The following TAF4B variants were observed in gnomAD, a reference collection of about 807,000 sequenced individuals.
TAF4B encodes transcription initiation factor TFIID subunit 4B.
In TAF4B, 38 loss-of-function variants were observed where a neutral mutation model predicts 86.4. The observed-to-expected ratio is 0.44, with a 90% confidence interval of 0.34 to 0.58. The LOEUF (loss-of-function observed/expected upper bound fraction) is 0.58, where lower values mean the gene tolerates loss of function less well. Ranked by LOEUF, TAF4B falls within the 20% of genes least tolerant of loss-of-function variation. The pLI, the probability that TAF4B is intolerant of heterozygous loss-of-function variation, is 0.02. For synonymous variants in TAF4B, 388 were observed against 391.2 expected (o/e 0.99, Z 0.10); for missense variants, 988 against 1,027.6 (o/e 0.96, Z 0.53).
At chr18:26,287,649 T>G (rs1338426635) in intron 7 of TAF4B, among the ~76,000 whole-genome samples, 1 of 152,228 alleles carries the variant, frequency 6.6e-6, no homozygotes, top group Admixed American at 6.5e-5. Flanking sequence ...CTTGCTGTTC[T>G]TTTGGTGAAT....
At chr18:26,372,896 G>A (rs1402806779) in intron 14 of TAF4B, among the ~76,000 whole-genome samples, 1 of 151,208 alleles carries the variant, frequency 6.6e-6, no homozygotes, top group Non-Finnish European at 1.5e-5. Flanking sequence ...GTGAACTTGG[G>A]AGGCGGAGCT....
Position 26,374,454 on chromosome 18 carries a change from C to G in TAF4B, c.2422-15391C>G, listed in dbSNP as rs149015630. Among the ~76,000 whole-genome samples the G allele has an allele frequency of 9.8e-5, 15 of 152,290 alleles. No individual in the cohort carries two copies. The East Asian group carries it at 2.9e-3, about 29-fold the overall frequency. On this transcript the variant is annotated intron_variant, in intron 14 of 14. Transcript: ENST00000269142. ...TCCATAATGTTGTACCTGTCTCTTT[C>G]TGCCTTTATGCAGCTGTTTGGTTTA...
chr18:26,231,661 C>G (rs1168526952), intron 1 of TAF4B, among the ~76,000 whole-genome samples: 1 of 152,004 alleles, frequency 6.6e-6, no homozygotes, highest in African/African-American at 2.4e-5. Flanking sequence ...TCTATTGTGT[C>G]TTTTAAGTAT....
At chr18:26,324,002 TTTAA>T (rs1368242406) in intron 11 of TAF4B, among the ~76,000 whole-genome samples, 3 of 152,182 alleles carry the variant, frequency 2.0e-5, no homozygotes, top group Admixed American at 1.3e-4. Flanking sequence ...GCTTCTTATG[TTTAA>T]TTGTTTTTGT....
intron 1 of TAF4B, among the ~76,000 whole-genome samples, chr18:26,246,938 C>T (rs1024980470): frequency 5.9e-5 from 9 of 151,762 alleles, no homozygotes; most frequent in Admixed American, 3.3e-4. Flanking sequence ...GCAACCCTCT[C>T]CCCCGCCACT....
chr18:26,240,863 T>C (rs148619057), intron 1 of TAF4B, among the ~76,000 whole-genome samples: 13,166 of 152,194 alleles, frequency 0.087, 1,741 homozygotes, highest in African/African-American at 0.29. Context: ...TTGTCTTTGG[T>C]TCTGTTTATA....
intron 14 of TAF4B, among the ~76,000 whole-genome samples, chr18:26,386,072 AC>A (rs1317694492): frequency 6.6e-6 from 1 of 152,196 alleles, no homozygotes; most frequent in African/African-American, 2.4e-5. Context: ...GAATGCTATC[AC>A]CTTCATAAAG....
intron 6 of TAF4B, among the ~76,000 whole-genome samples, chr18:26,285,222 G>GTTTTGTTTTTTTTTT (rs2056498999): frequency 2.2e-5 from 1 of 45,660 alleles, no homozygotes; most frequent in Non-Finnish European, 4.5e-5. Context: ...TTTTTTTTTT[G>GTTTTGTTTTTTTTTT]TTTTTTTTTT....
intron 2 of TAF4B, among the ~76,000 whole-genome samples, chr18:26,265,626 C>T (rs1387753152): frequency 6.6e-6 from 1 of 152,162 alleles, no homozygotes; most frequent in Non-Finnish European, 1.5e-5. Flanking sequence ...GAACATGGCT[C>T]ACTTGGTTCA....
chr18:26,314,945 A>G (rs1346658428), intron 9 of TAF4B, among the ~76,000 whole-genome samples: 1 of 152,168 alleles, frequency 6.6e-6, no homozygotes, highest in Non-Finnish European at 1.5e-5. Flanking sequence ...TCCTTCTGTT[A>G]TTAAATATAC....
intron 1 of TAF4B, among the ~76,000 whole-genome samples, chr18:26,243,409 G>A (rs555023134): frequency 1.4e-4 from 21 of 152,052 alleles, no homozygotes; most frequent in African/African-American, 3.9e-4. Flanking sequence ...CGTAGTTCTC[G>A]TGCCATGGTT....
chr18:26,361,709 C>A (rs982508403), intron 14 of TAF4B, among the ~76,000 whole-genome samples: 2 of 149,822 alleles, frequency 1.3e-5, no homozygotes, highest in African/African-American at 4.9e-5. Flanking sequence ...CGCGCCACTC[C>A]CCTCCAGCCT....
At chr18:26,341,485 T>C (rs772360787) in intron 13 of TAF4B, among the ~76,000 whole-genome samples, 7 of 152,170 alleles carry the variant, frequency 4.6e-5, no homozygotes, top group Non-Finnish European at 7.4e-5. Flanking sequence ...CACATTTATA[T>C]TTTACACAAT....
chr18:26,239,466 C>G (rs1467475175), intron 1 of TAF4B, among the ~76,000 whole-genome samples: 1 of 151,966 alleles, frequency 6.6e-6, no homozygotes, highest in African/African-American at 2.4e-5. Context: ...TGTTTGAGTT[C>G]TCTGTAGATT....
In TAF4B at chr18:26,357,750, G is replaced by A. The variant is rs2144733590; in HGVS notation, c.2377G>A (p.Ala793Thr). The stretch of plus-strand genomic sequence containing the variant: ...AGACGCTAATCTCACAGCTCTTGCA[G>A]CTATTGGACCAAGGAAGAAGAGACC... ...HRDANLTALA[A>T]IGPRKKRPLE... Residue 793 changes from alanine to threonine, a missense_variant, in exon 14 of 15, where the codon GCT (alanine) becomes ACT (threonine). This residue lies in a region of TAF4B where 216 missense variants were observed against 238.4 expected (regional missense o/e 0.91). Transcript: ENST00000269142. 1 of 1,613,262 alleles carries A rather than the reference G, an allele frequency of 6.2e-7. No individual in the cohort carries two copies. The highest frequency in any genetic ancestry group is 2.2e-5 in the East Asian group (1 of 44,818).
intron 1 of TAF4B, among the ~76,000 whole-genome samples, chr18:26,231,034 C>CTTTTTTTTTTTTTTT (rs536863843): frequency 6.0e-5 from 4 of 66,166 alleles, no homozygotes; most frequent in African/African-American, 1.2e-4. Flanking sequence ...TGTTGTTTTG[C>CTTTTTTTTTTTTTTT]TTTTTTTTTT....
chr18:26,270,579 A>T (rs1453941403), intron 3 of TAF4B, among the ~76,000 whole-genome samples: 2 of 152,150 alleles, frequency 1.3e-5, no homozygotes, highest in African/African-American at 4.8e-5. Flanking sequence ...TGCCTTGCAA[A>T]ATGCTGGGAT....
intron 1 of TAF4B, among the ~76,000 whole-genome samples, chr18:26,245,821 A>G (rs2055915320): frequency 6.6e-6 from 1 of 152,068 alleles, no homozygotes; most frequent in African/African-American, 2.4e-5. Context: ...TAAATGCTTC[A>G]TTTTTTCAAC....
intron 2 of TAF4B, chr18:26,267,308 G>T: frequency 2.5e-6 from 1 of 400,864 alleles, no homozygotes; most frequent in Non-Finnish European, 4.4e-6. Flanking sequence ...TGAATCAGTT[G>T]CCACCTTAGA....
Sources: allele counts gnomAD v4.1 joint callset (sites outside exome capture counted in the v4.1 genomes callset), GRCh38; gene constraint gnomAD v4.1.1; regional missense constraint gnomAD v4.1.1; transcripts MANE v1.5; gene names NCBI Gene and HGNC (gene_info 2026-07-23, HGNC 2026-07-21).